The following SP140 variants were observed in gnomAD, a reference collection of about 807,000 sequenced individuals.
The protein encoded by SP140 is SP140 nuclear body protein.
A neutral mutation model predicts 125.0 loss-of-function variants in SP140; 81 were observed. The ratio of observed to expected loss-of-function variants is 0.65; its 90% CI spans 0.54 to 0.78. The LOEUF (loss-of-function observed/expected upper bound fraction) is 0.78. Among genes scored for constraint, SP140 ranks in the 30% least tolerant of loss-of-function variants. SP140 has a pLI of 0.00. For missense variants in SP140, 858 were observed against 1,037.0 expected, an observed-to-expected ratio of 0.83 and a Z score of 2.37; for synonymous variants, 312 against 354.0, an observed-to-expected ratio of 0.88 and a Z score of 1.33.
chr2:230,206,608 T>TATATATATATATATAC (rs1559169620), intron 1 of SP140, among the ~76,000 whole-genome samples: 2 of 55,688 alleles, frequency 3.6e-5, no homozygotes, highest in African/African-American at 9.5e-5. Context: ...TATATATATA[T>TATATATATATATATAC]ATATATATAT....
intron 1 of SP140, among the ~76,000 whole-genome samples, chr2:230,227,770 C>T (rs1307661970): frequency 1.3e-5 from 2 of 152,096 alleles, no homozygotes; most frequent in Non-Finnish European, 2.9e-5. Flanking sequence ...AGTGATGACC[C>T]TTCTTTCATT....
chr2:230,269,773 G>C, intron 13 of SP140, 64 bp from the exon 14 acceptor site: 2 of 1,305,438 alleles, frequency 1.5e-6, no homozygotes, highest in East Asian at 2.3e-5. Context: ...GGAGCAACAA[G>C]GGTGCAGAAA....
chr2:230,264,668 C>T (rs899596830), intron 12 of SP140, among the ~76,000 whole-genome samples: 1 of 152,148 alleles, frequency 6.6e-6, no homozygotes, highest in African/African-American at 2.4e-5. Flanking sequence ...TAGGATGTTC[C>T]CTTGATGTAC....
chr2:230,186,180 C>T, the SP140 span: 14 of 1,609,390 alleles, frequency 8.7e-6, no homozygotes, highest in African/African-American at 2.7e-5. Context: ...TTAGTGAGCT[C>T]CCTTCTCATG....
At chr2:230,245,277 C>CT (rs1424200930) in intron 6 of SP140, among the ~76,000 whole-genome samples, 197 bp downstream of exon 6, 7 of 152,160 alleles carry the variant, frequency 4.6e-5, no homozygotes, top group African/African-American at 1.7e-4. Flanking sequence ...GGGCAGAGAG[C>CT]TTAAGGGTAC....
At position 230,247,957 on chromosome 2, in the gene SP140, A is replaced by G; in HGVS notation, c.784A>G (p.Ser262Gly). 1.2e-6 allele frequency: 2 copies of G among 1,613,962 alleles called. No individual in the cohort carries two copies. Among genetic ancestry groups the G allele is most frequent in the Non-Finnish European group, 1.7e-6 (2 of 1,179,874 alleles). Residue 262 changes from serine (S) to glycine (G), a missense_variant, in exon 8 of 27, where the codon AGC becomes GGC. Around this residue, in one of 4 missense-constraint regions of SP140, gnomAD observed 791 missense variants for 869.5 expected, o/e 0.91. Coordinates refer to ENST00000392045, the MANE Select transcript of SP140 (RefSeq NM_007237.5). The part of the protein sequence containing the change: ...NGMIDAARTY[S>G]TAPGEKQGEE... ...GATGATAGATGCGGCAAGGACATAC[A>G]GCACAGCACCAGGGGAGAAACAGGG...
At chr2:230,199,879 C>T (rs546642559), upstream of SP140, among the ~76,000 whole-genome samples, 9 of 152,280 alleles carry the variant, frequency 5.9e-5, no homozygotes, top group South Asian at 4.1e-4. Context: ...CTATGGAGAA[C>T]GATGGCTCCT....
downstream of SP140, among the ~76,000 whole-genome samples, chr2:230,314,430 C>A (rs1453541566): frequency 2.6e-5 from 4 of 152,186 alleles, no homozygotes; most frequent in African/African-American, 7.2e-5. Context: ...GGGAGTGGAT[C>A]CTGGTCCAGG....
At chr2:230,291,705 T>C (rs1276429967) in intron 19 of SP140, among the ~76,000 whole-genome samples, 2 of 152,260 alleles carry the variant, frequency 1.3e-5, no homozygotes, top group African/African-American at 2.4e-5. Context: ...TTATAAATAA[T>C]GCTGTTCTGA....
intron 14 of SP140, 71 bp from the exon 15 acceptor site, chr2:230,270,515 T>C (rs2053776164): frequency 7.1e-7 from 1 of 1,417,800 alleles, no homozygotes; most frequent in South Asian, 1.2e-5. Flanking sequence ...TTCTGTAGTA[T>C]ACATTGTCCT....
At chr2:230,253,849 T>C (rs2050747075) in intron 11 of SP140, among the ~76,000 whole-genome samples, 1 of 152,222 alleles carries the variant, frequency 6.6e-6, no homozygotes, top group African/African-American at 2.4e-5. Context: ...AGAAAAGTCA[T>C]GTGGAAGACC....
intron 12 of SP140, among the ~76,000 whole-genome samples, chr2:230,266,300 A>G (rs1421025222): frequency 1.3e-5 from 2 of 152,142 alleles, no homozygotes; most frequent in Non-Finnish European, 2.9e-5. Context: ...TTTCCTTAGA[A>G]GTTTTATGTC....
chr2:230,207,330 C>G (rs1283282325), intron 1 of SP140, among the ~76,000 whole-genome samples: 1 of 152,142 alleles, frequency 6.6e-6, no homozygotes, highest in Non-Finnish European at 1.5e-5. Context: ...CAATATTGCT[C>G]TGGCTGATAA....
chr2:230,220,494 G>C (rs1490728068), intron 3 of SP140, among the ~76,000 whole-genome samples: 1 of 152,188 alleles, frequency 6.6e-6, no homozygotes, highest in Non-Finnish European at 1.5e-5. Context: ...AAATGAAAGG[G>C]AACCTGCACA....
chr2:230,262,607 GCACCGCCTTTGCTCTATCC>G (rs759492975), intron 12 of SP140, among the ~76,000 whole-genome samples: 3 of 152,090 alleles, frequency 2.0e-5, no homozygotes, highest in Non-Finnish European at 4.4e-5. Flanking sequence ...TTTCCTCTTA[GCACCGCCTTTGCTCTATCC>G]CAGAGGTTTT....
intron 12 of SP140, among the ~76,000 whole-genome samples, chr2:230,268,000 T>C (rs144170565): frequency 4.6e-4 from 70 of 152,320 alleles, no homozygotes; most frequent in Admixed American, 3.2e-3. Context: ...TGAGGACTTA[T>C]CAGACCTTGA....
intron 15 of SP140, among the ~76,000 whole-genome samples, chr2:230,279,029 A>T (rs771925687): frequency 6.6e-6 from 1 of 152,150 alleles, no homozygotes; most frequent in African/African-American, 2.4e-5. Flanking sequence ...CTATGCACTA[A>T]CAATGAACTA....
At chr2:230,235,986 C>G (rs905001045) in intron 1 of SP140, among the ~76,000 whole-genome samples, 1 of 149,612 alleles carries the variant, frequency 6.7e-6, no homozygotes, top group Non-Finnish European at 1.5e-5. Context: ...ACGCCATTCT[C>G]CTGTCTCAGC....
chr2:230,221,917 A>T (rs1009031198), upstream of SP140: 5 of 610,180 alleles, frequency 8.2e-6, no homozygotes, highest in African/African-American at 1.8e-5. Flanking sequence ...AGGATGAAAG[A>T]TGTTTATTCT....
Sources: allele counts gnomAD v4.1 joint callset (sites outside exome capture counted in the v4.1 genomes callset), GRCh38; gene constraint gnomAD v4.1.1; regional missense constraint gnomAD v4.1.1; transcripts MANE v1.5; gene names NCBI Gene and HGNC (gene_info 2026-07-23, HGNC 2026-07-21).